Variants in MCMDC2 observed in about 807,000 individuals in gnomAD.
MCMDC2 encodes minichromosome maintenance domain containing 2, also known as minichromosome maintenance domain-containing protein 2.
A neutral mutation model predicts 75.8 loss-of-function variants in MCMDC2; 54 were observed. The observed-to-expected ratio is 0.71, with a 90% confidence interval of 0.57 to 0.89. MCMDC2 has a LOEUF of 0.89. Ranked by LOEUF, MCMDC2 falls within the 40% of genes least tolerant of loss-of-function variation. The pLI, the probability that MCMDC2 is intolerant of heterozygous loss-of-function variation, is 0.00. For synonymous variants in MCMDC2, 249 were observed against 274.6 expected (o/e 0.91, Z 0.92); for missense variants, 656 against 780.4 (o/e 0.84, Z 1.90).
At chr8:66,910,686 A>G (rs1273656856) in intron 14 of MCMDC2, among the ~76,000 whole-genome samples, 1 of 152,034 alleles carries the variant, frequency 6.6e-6, no homozygotes, top group East Asian at 1.9e-4. Context: ...GCGGGTGCCT[A>G]CAATCCCAGC....
Position 66,921,849 on chromosome 8 carries a change from A to T in MCMDC2, c.*2680A>T, listed in dbSNP as rs1039453584. ...TCAATGAGAATCACCACCCATAAAT[A>T]AGCTAATTATTGACAAGATTATAAT... On this transcript the variant is annotated 3_prime_UTR_variant, in exon 15 of 15. Coordinates refer to ENST00000422365, the MANE Select transcript of MCMDC2 (RefSeq NM_173518.5). 1 of 152,228 alleles carries T rather than the reference A, an allele frequency of 6.6e-6. No homozygotes were observed. Among genetic ancestry groups the T allele is most frequent in the Non-Finnish European group, 1.5e-5 (1 of 68,040 alleles). 9.4% of individuals were successfully genotyped at this position (152,228 alleles called of 1,614,324 possible).
At chr8:66,913,773 T>G (rs1353087255) in intron 14 of MCMDC2, among the ~76,000 whole-genome samples, 1 of 151,810 alleles carries the variant, frequency 6.6e-6, no homozygotes, top group South Asian at 2.1e-4. Context: ...GAGACCAGCC[T>G]GGACAAATGG....
At chr8:66,893,151 G>T (rs1040665379) in intron 10 of MCMDC2, among the ~76,000 whole-genome samples, 6 of 152,172 alleles carry the variant, frequency 3.9e-5, no homozygotes, top group African/African-American at 1.4e-4. Flanking sequence ...TGCCTTCTTG[G>T]CATACCAGCA....
chr8:66,877,063 T>C (rs188944667), intron 4 of MCMDC2, among the ~76,000 whole-genome samples: 84 of 152,170 alleles, frequency 5.5e-4, no homozygotes, highest in African/African-American at 1.9e-3. Context: ...CCGGCCCTGG[T>C]TGACATTGTT....
chr8:66,907,919 G>GT (rs1018589601), intron 14 of MCMDC2, among the ~76,000 whole-genome samples: 4 of 151,806 alleles, frequency 2.6e-5, no homozygotes, highest in African/African-American at 7.2e-5. Flanking sequence ...TTTTGATGGG[G>GT]TTTTTTTTCT....
Position 66,878,669 on chromosome 8 carries a change from G to C in MCMDC2, c.577G>C (p.Glu193Gln), listed in dbSNP as rs1811415059. 5 of 1,568,602 alleles carry C rather than the reference G, an allele frequency of 3.2e-6. No homozygotes were observed. The highest frequency in any genetic ancestry group is 4.3e-6 in the Non-Finnish European group (5 of 1,165,228). Residue 193 changes from glutamate to glutamine, a missense_variant, in exon 6 of 15, where the codon GAA (glutamate) becomes CAA (glutamine). Coordinates refer to ENST00000422365, the MANE Select transcript of MCMDC2 (RefSeq NM_173518.5). The part of the protein sequence containing the change: ...LCNLCASSLQ[E>Q]DRKFRVLGDK... Reference sequence around the variant, plus strand: ...TAATCTATGTGCATCTTCACTTCAAGAAGACAGAAAATTTAGAGTACTTGG... The same window carrying C: ...TAATCTATGTGCATCTTCACTTCAACAAGACAGAAAATTTAGAGTACTTGG...
chr8:66,872,562 C>G (rs750031126), intron 1 of MCMDC2, among the ~76,000 whole-genome samples: 3 of 152,134 alleles, frequency 2.0e-5, no homozygotes, highest in Non-Finnish European at 4.4e-5. Context: ...TCTTCTCTCA[C>G]TGCACTCTTT....
intron 13 of MCMDC2, among the ~76,000 whole-genome samples, chr8:66,904,134 A>G (rs567367543): frequency 6.6e-5 from 10 of 152,300 alleles, no homozygotes; most frequent in Non-Finnish European, 1.5e-4. Context: ...ATATATCAAG[A>G]GCAACAAAAT....
At chr8:66,918,567 CT>C (rs1030650810) in intron 14 of MCMDC2, among the ~76,000 whole-genome samples, 8 of 152,270 alleles carry the variant, frequency 5.3e-5, no homozygotes, top group African/African-American at 1.9e-4. Context: ...TGATCGTCCA[CT>C]TAGCCGTTAT....
At position 66,878,656 on chromosome 8, in the gene MCMDC2, A is replaced by G; in HGVS notation, c.564A>G (p.Ala188=). The change falls in exon 6 of 15, where the codon GCA becomes GCG. Residue 188 remains alanine, a synonymous_variant. Coordinates refer to ENST00000422365, the MANE Select transcript of MCMDC2 (RefSeq NM_173518.5). The stretch of plus-strand genomic sequence containing the variant: ...ATGACTTTTTGTGTAATCTATGTGC[A>G]TCTTCACTTCAAGAAGACAGAAAAT... The part of the protein sequence containing the change: ...IRNDFLCNLC[A]SSLQEDRKFR... 3 of 1,571,788 alleles carry G rather than the reference A, an allele frequency of 1.9e-6. No homozygotes were observed. The highest frequency in any genetic ancestry group is 2.6e-6 in the Non-Finnish European group (3 of 1,166,334).
chr8:66,883,730 A>AAT (rs1194657245), intron 8 of MCMDC2, 27 bp from the exon 9 acceptor site: 2 of 1,282,310 alleles, frequency 1.6e-6, no homozygotes, highest in South Asian at 2.5e-5. Context: ...AACCCTTTCT[A>AAT]ATATATATGT....
intron 10 of MCMDC2, 26 bp from the exon 11 acceptor site, chr8:66,896,144 C>G (rs748043482): frequency 1.3e-6 from 2 of 1,588,512 alleles, no homozygotes; most frequent in East Asian, 4.5e-5. Flanking sequence ...ACTTAAATAA[C>G]AAATGGATAA....
Position 66,901,287 on chromosome 8 carries a change from C to T in MCMDC2, c.1708C>T (p.Arg570Cys), listed in dbSNP as rs1812644736. Residue 570 changes from arginine to cysteine, a missense_variant, in exon 13 of 15, where the codon CGC becomes TGC. Physicochemically the swap from Arg to Cys is radical, Grantham distance 180. Coordinates refer to ENST00000422365, the MANE Select transcript of MCMDC2 (RefSeq NM_173518.5). The part of the protein sequence containing the change: ...RMTHGYYLAS[R>C]RIRTGSVCGS... ...GACCCATGGCTATTATCTAGCAAGT[C>T]GCAGAATCAGAACAGGCTCTGTATG... 4.3e-6 allele frequency: 7 copies of T among 1,613,898 alleles called. No homozygotes were observed. The highest frequency in any genetic ancestry group is 4.2e-6 in the Non-Finnish European group (5 of 1,179,892).
chr8:66,906,570 A>C (rs577272730), intron 14 of MCMDC2, among the ~76,000 whole-genome samples: 1 of 152,168 alleles, frequency 6.6e-6, no homozygotes, highest in African/African-American at 2.4e-5. Flanking sequence ...CGAGGAACAT[A>C]GAGCATTAAT....
chr8:66,878,941 T>A, intron 7 of MCMDC2, 22 bp downstream of exon 7: 1 of 1,414,410 alleles, frequency 7.1e-7, no homozygotes, highest in Non-Finnish European at 9.9e-7. Flanking sequence ...CTGTTTGAAC[T>A]AAAAAAAAAT....
Position 66,874,347 on chromosome 8 carries a change from T to G in MCMDC2, c.116T>G (p.Val39Gly). Residue 39 changes from valine (V) to glycine (G), a missense_variant, in exon 3 of 15, where the codon GTC becomes GGC. Physicochemically the swap from Val to Gly is moderately radical, Grantham distance 109. Coordinates refer to ENST00000422365, the MANE Select transcript of MCMDC2 (RefSeq NM_173518.5). ...YYNDSKQSYA[V>G]YRFKILINPS... The stretch of plus-strand genomic sequence containing the variant: ...ATAGATTCAAAACAAAGCTATGCTG[T>G]CTATCGATTCAAAATTTTAATAAAT... 1 of 1,612,498 alleles carries G rather than the reference T, an allele frequency of 6.2e-7. No homozygotes were observed.
intron 14 of MCMDC2, among the ~76,000 whole-genome samples, chr8:66,906,295 C>T (rs1280166366): frequency 6.6e-6 from 1 of 152,168 alleles, no homozygotes; most frequent in Admixed American, 6.5e-5. Context: ...AATGTATTAA[C>T]ACTAGCTTTC....
chr8:66,876,892 C>A (rs1361796530), intron 4 of MCMDC2, among the ~76,000 whole-genome samples: 1 of 152,022 alleles, frequency 6.6e-6, no homozygotes, highest in Non-Finnish European at 1.5e-5. Flanking sequence ...TCCCGAGTAG[C>A]TGGGACTACA....
intron 14 of MCMDC2, among the ~76,000 whole-genome samples, chr8:66,916,683 G>A (rs959190118): frequency 2.1e-4 from 32 of 152,288 alleles, no homozygotes; most frequent in African/African-American, 6.5e-4. Context: ...GTTAAGGAAG[G>A]AAGTGAATTA....
Sources: gnomAD v4.1 joint callset for allele counts (sites outside exome capture counted in the v4.1 genomes callset) on GRCh38, gnomAD v4.1.1 for gene constraint, MANE v1.5 for transcripts, NCBI Gene and HGNC (gene_info 2026-07-23, HGNC 2026-07-21) for gene names.